DLGAP2: variants seen among roughly 807,000 people sequenced by gnomAD.
DLGAP2 encodes DLG associated protein 2.
DLGAP2 carries 26 observed loss-of-function variants against 100.3 expected under a neutral mutation model. That is an observed-to-expected ratio of 0.26 (90% CI 0.19 to 0.36). The LOEUF (loss-of-function observed/expected upper bound fraction) is 0.36, where lower values mean the gene tolerates loss of function less well. Among genes scored for constraint, DLGAP2 ranks in the 10% least tolerant of loss-of-function variants. The pLI is 1.00. For missense variants in DLGAP2, 1,858 were observed against 1,453.2 expected (o/e 1.28, Z -4.53); for synonymous variants, 886 against 630.1 (o/e 1.41, Z -6.08).
chr8:913,488 T>C (rs1309582931), intron 2 of DLGAP2, among the ~76,000 whole-genome samples: 1 of 152,246 alleles, frequency 6.6e-6, no homozygotes, highest in African/African-American at 2.4e-5. Context: ...AAATGAGTCT[T>C]GACTCCATTA....
intron 1 of DLGAP2, among the ~76,000 whole-genome samples, chr8:829,494 A>G (rs1207922398): frequency 2.6e-5 from 4 of 152,244 alleles, no homozygotes; most frequent in African/African-American, 4.8e-5. Flanking sequence ...TTAGTTCAAC[A>G]AGTTAGGAAA....
At chr8:930,389 G>A (rs967041826) in intron 2 of DLGAP2, among the ~76,000 whole-genome samples, 1 of 152,202 alleles carries the variant, frequency 6.6e-6, no homozygotes, top group Admixed American at 6.5e-5. Context: ...TAACATGAAC[G>A]AAGAGTTCCT....
chr8:1,364,468 G>A (rs1377672108), intron 3 of DLGAP2, among the ~76,000 whole-genome samples: 1 of 150,602 alleles, frequency 6.6e-6, no homozygotes, highest in Non-Finnish European at 1.5e-5. Context: ...GGGCACCGCT[G>A]CGAGAGGGAG....
chr8:1,547,046 T>C (rs1801565710), intron 4 of DLGAP2, among the ~76,000 whole-genome samples: 1 of 151,742 alleles, frequency 6.6e-6, no homozygotes. Flanking sequence ...GGTCTTGGAG[T>C]GAATGCAGGG....
intron 8 of DLGAP2, among the ~76,000 whole-genome samples, chr8:1,658,760 G>A (rs897705230): frequency 2.6e-5 from 4 of 152,068 alleles, no homozygotes; most frequent in Non-Finnish European, 5.9e-5. Context: ...CTGGCTACCG[G>A]TCCATGTATT....
intron 2 of DLGAP2, among the ~76,000 whole-genome samples, chr8:1,200,931 A>G (rs1307402076): frequency 6.6e-6 from 1 of 152,188 alleles, no homozygotes; most frequent in Admixed American, 6.5e-5. Flanking sequence ...TGCGCGATTC[A>G]GCTCCAGGAG....
At chr8:976,276 C>CA (rs1283791870) in intron 2 of DLGAP2, among the ~76,000 whole-genome samples, 1 of 152,034 alleles carries the variant, frequency 6.6e-6, no homozygotes, top group East Asian at 1.9e-4. Flanking sequence ...TTGTATTGGT[C>CA]AAAAAATCGG....
At chr8:1,595,684 A>AG (rs1214030639) in intron 6 of DLGAP2, among the ~76,000 whole-genome samples, 4 of 141,706 alleles carry the variant, frequency 2.8e-5, no homozygotes, top group Admixed American at 7.3e-5. Context: ...AAAAAAAAAA[A>AG]AAAAAAAGAA....
At position 1,474,861 on chromosome 8, in the gene DLGAP2, C is replaced by T. The variant is rs574220063; in HGVS notation, c.107-26505C>T. Among the ~76,000 whole-genome samples the T allele has an allele frequency of 3.9e-5, 6 of 152,276 alleles. No individual in the cohort carries two copies. The South Asian group carries it at 1.2e-3, about 32-fold the overall frequency. On this transcript the variant is annotated intron_variant, in intron 3 of 14. Coordinates refer to ENST00000637795, the MANE Select transcript of DLGAP2 (RefSeq NM_001346810.2). The stretch of plus-strand genomic sequence containing the variant: ...AACTGAGAGTTGAACTACCGTTTGA[C>T]CCCATAATGCTATTACTAGGTATAT...
At chr8:777,859 G>C (rs1174827101) in intron 1 of DLGAP2, among the ~76,000 whole-genome samples, 1 of 152,038 alleles carries the variant, frequency 6.6e-6, no homozygotes, top group Non-Finnish European at 1.5e-5. Context: ...GAGTATCTTT[G>C]TGGCGTCTCT....
chr8:953,172 C>T (rs1054734155), intron 2 of DLGAP2, among the ~76,000 whole-genome samples: 9 of 152,048 alleles, frequency 5.9e-5, no homozygotes, highest in Admixed American at 1.3e-4. Flanking sequence ...TACAGATATT[C>T]GAAATTTCTA....
intron 3 of DLGAP2, among the ~76,000 whole-genome samples, chr8:1,378,966 C>T (rs183865180): frequency 1.7e-4 from 26 of 152,310 alleles, no homozygotes; most frequent in African/African-American, 5.8e-4. Flanking sequence ...CATTCTTAGC[C>T]CCATAGGGTC....
intron 1 of DLGAP2, among the ~76,000 whole-genome samples, chr8:905,109 A>G (rs1340144134): frequency 6.6e-6 from 1 of 152,136 alleles, no homozygotes; most frequent in Non-Finnish European, 1.5e-5. Flanking sequence ...CCTTTAGGAA[A>G]GTCACACGTG....
intron 2 of DLGAP2, among the ~76,000 whole-genome samples, chr8:1,139,015 C>T (rs1415215520): frequency 6.6e-6 from 1 of 152,258 alleles, no homozygotes; most frequent in African/African-American, 2.4e-5. Context: ...CTGCCTCAGC[C>T]CCCTGGCTGG....
At position 776,029 on chromosome 8, in the gene DLGAP2, C is replaced by A. The variant is rs1230462217; in HGVS notation, c.18+38204C>A. 5.6e-4 allele frequency among the ~76,000 whole-genome samples: 85 copies of A among 152,138 alleles called. 1 individual carries two copies. Among genetic ancestry groups the A allele is most frequent in the African/African-American group, 1.5e-3 (61 of 41,516 alleles). On this transcript the variant is annotated intron_variant, in intron 1 of 14. Coordinates refer to ENST00000637795, the MANE Select transcript of DLGAP2 (RefSeq NM_001346810.2). The stretch of plus-strand genomic sequence containing the variant: ...ATTGATTATTGCCACAATTTCAGAT[C>A]CTGTTATTGGTCTATTCAGAGATTC...
intron 2 of DLGAP2, among the ~76,000 whole-genome samples, chr8:926,216 G>A (rs762915789): frequency 1.3e-5 from 2 of 152,150 alleles, no homozygotes; most frequent in African/African-American, 2.4e-5. Context: ...CACTCCCTCC[G>A]TGGGCTCTCA....
intron 3 of DLGAP2, among the ~76,000 whole-genome samples, chr8:1,434,498 A>T (rs1797558634): frequency 6.6e-6 from 1 of 151,530 alleles, no homozygotes; most frequent in Non-Finnish European, 1.5e-5. Flanking sequence ...TTTTTTTGAG[A>T]CAGTGTCTCA....
At chr8:1,301,388 C>A (rs907830689) in intron 3 of DLGAP2, 2 of 152,214 alleles carry the variant, frequency 1.3e-5, no homozygotes, top group Non-Finnish European at 2.9e-5. Context: ...GCTGCAAGTT[C>A]TGCTCTCAAC....
intron 2 of DLGAP2, among the ~76,000 whole-genome samples, chr8:990,100 A>T (rs1800613850): frequency 6.6e-6 from 1 of 151,966 alleles, no homozygotes; most frequent in African/African-American, 2.4e-5. Flanking sequence ...GTCATCTACG[A>T]CTTCAGTGCT....
Sources: gnomAD v4.1 joint callset for allele counts (sites outside exome capture counted in the v4.1 genomes callset) on GRCh38, gnomAD v4.1.1 for gene constraint, MANE v1.5 for transcripts, NCBI Gene and HGNC (gene_info 2026-07-23, HGNC 2026-07-21) for gene names.